Variants in SDK1 observed in about 807,000 individuals in gnomAD.
SDK1 encodes the protein protein sidekick-1.
SDK1 carries 157 observed loss-of-function variants against 245.5 expected under a neutral mutation model. That is an observed-to-expected ratio of 0.64 (90% CI 0.56 to 0.73). The LOEUF is 0.73. Among genes scored for constraint, SDK1 ranks in the 30% least tolerant of loss-of-function variants. The pLI is 0.00. For synonymous variants in SDK1, 1,647 were observed against 1,278.5 expected, an observed-to-expected ratio of 1.29 and a Z score of -6.15; for missense variants, 3,583 against 3,002.3, an observed-to-expected ratio of 1.19 and a Z score of -4.52.
At chr7:3,917,658 G>A (rs879601670) in intron 5 of SDK1, among the ~76,000 whole-genome samples, 7 of 152,158 alleles carry the variant, frequency 4.6e-5, no homozygotes, top group African/African-American at 7.2e-5. Flanking sequence ...TTAGAGGAAC[G>A]TCTATGGGAC....
chr7:4,087,207 A>C (rs1781479331), intron 22 of SDK1, among the ~76,000 whole-genome samples: 1 of 152,148 alleles, frequency 6.6e-6, no homozygotes. Context: ...TTGTATATGG[A>C]GTGAGGTATG....
chr7:3,559,166 A>G (rs1030238172), intron 1 of SDK1, among the ~76,000 whole-genome samples: 5 of 152,210 alleles, frequency 3.3e-5, no homozygotes, highest in South Asian at 4.1e-4. Context: ...ATATTATATA[A>G]TATGTTACAT....
chr7:3,647,415 C>A lies in SDK1; in HGVS notation c.713+5310C>A, dbSNP rs55860374. 4.4e-3 allele frequency among the ~76,000 whole-genome samples: 672 copies of A among 152,186 alleles called. 5 individuals carry two copies. Among genetic ancestry groups the A allele is most frequent in the African/African-American group, 0.016 (647 of 41,530 alleles). On this transcript the variant is annotated intron_variant, in intron 4 of 44. Coordinates refer to ENST00000404826, the MANE Select transcript of SDK1 (RefSeq NM_152744.4). ...GTCTCTTGCAGTTTAGCAAATACAT[C>A]AAGCTCTTTTCTGTTTTGAAAGTTG...
At chr7:3,449,376 G>C (rs1021180384) in intron 1 of SDK1, among the ~76,000 whole-genome samples, 1 of 151,040 alleles carries the variant, frequency 6.6e-6, no homozygotes, top group Non-Finnish European at 1.5e-5. Flanking sequence ...GCTTTCTACA[G>C]TCTTCTGCTA....
At chr7:4,003,398 C>G (rs1785220659) in intron 14 of SDK1, among the ~76,000 whole-genome samples, 2 of 152,214 alleles carry the variant, frequency 1.3e-5, no homozygotes, top group African/African-American at 4.8e-5. Flanking sequence ...GTGCCTTTGT[C>G]CATTCATTGA....
intron 4 of SDK1, among the ~76,000 whole-genome samples, chr7:3,783,138 G>C (rs958580364): frequency 6.6e-6 from 1 of 152,210 alleles, no homozygotes; most frequent in African/African-American, 2.4e-5. Context: ...CATTTTGTTA[G>C]ATGCCGAAAA....
chr7:3,355,741 A>G lies in SDK1; in HGVS notation c.298+53857A>G, dbSNP rs545451619. ...AGGCTTCTGATCCTAATTTCAGGAAATAGCCTCTAAACTCATCTATTAGTC... is the reference window on the plus strand; with the variant it reads ...AGGCTTCTGATCCTAATTTCAGGAAGTAGCCTCTAAACTCATCTATTAGTC... On this transcript the variant is annotated intron_variant, in intron 1 of 44. Coordinates refer to ENST00000404826, the MANE Select transcript of SDK1 (RefSeq NM_152744.4). 6.6e-5 allele frequency among the ~76,000 whole-genome samples: 10 copies of G among 152,310 alleles called. No individual in the cohort carries two copies. The South Asian group carries it at 2.1e-3, about 32-fold the overall frequency.
At chr7:3,617,434 T>A (rs1360443426) in intron 1 of SDK1, among the ~76,000 whole-genome samples, 2 of 152,190 alleles carry the variant, frequency 1.3e-5, no homozygotes, top group South Asian at 2.1e-4. Flanking sequence ...ACCTGAAGGA[T>A]GAGCAAAGAT....
chr7:3,548,856 T>C (rs1242482194), intron 1 of SDK1, among the ~76,000 whole-genome samples: 1 of 152,232 alleles, frequency 6.6e-6, no homozygotes, highest in East Asian at 1.9e-4. Context: ...ATCATCTATA[T>C]TAATAAGCTC....
At chr7:4,040,226 C>G (rs1408830682) in intron 17 of SDK1, among the ~76,000 whole-genome samples, 3 of 152,144 alleles carry the variant, frequency 2.0e-5, no homozygotes. Context: ...TGATTGGATC[C>G]TGCTTCAGCT....
intron 2 of SDK1, among the ~76,000 whole-genome samples, chr7:3,631,859 C>G (rs939783347): frequency 6.6e-6 from 1 of 152,142 alleles, no homozygotes; most frequent in African/African-American, 2.4e-5. Context: ...GACAAATACT[C>G]CCGAGTGAGA....
intron 43 of SDK1, among the ~76,000 whole-genome samples, chr7:4,242,371 C>G (rs1786584119): frequency 6.6e-6 from 1 of 152,152 alleles, no homozygotes; most frequent in African/African-American, 2.4e-5. Flanking sequence ...CATTGCCATT[C>G]CATACACGGA....
chr7:3,894,194 C>T (rs1389000189), intron 5 of SDK1, among the ~76,000 whole-genome samples: 2 of 152,152 alleles, frequency 1.3e-5, no homozygotes, highest in Non-Finnish European at 2.9e-5. Flanking sequence ...TTTTAATGTA[C>T]TACCGATGGT....
chr7:3,975,894 C>G (rs1193742325), intron 13 of SDK1, among the ~76,000 whole-genome samples: 1 of 152,184 alleles, frequency 6.6e-6, no homozygotes, highest in Non-Finnish European at 1.5e-5. Context: ...GCTGCAGCTG[C>G]AAAGCTGCCA....
intron 4 of SDK1, among the ~76,000 whole-genome samples, chr7:3,775,986 G>A: frequency 6.6e-6 from 1 of 152,196 alleles, no homozygotes; most frequent in Non-Finnish European, 1.5e-5. Context: ...TCTTCCACCA[G>A]TCCCTAACTG....
In SDK1 at chr7:4,106,307, CTT is replaced by C. The variant is rs773537615; in HGVS notation, c.3325-4343_3325-4342del. Among the ~76,000 whole-genome samples the C allele has an allele frequency of 8.4e-3, 1,200 of 142,270 alleles. 19 individuals carry two copies. The highest frequency in any genetic ancestry group is 0.03 in the African/African-American group (1,142 of 38,266). 93.3% of individuals were successfully genotyped at this position (142,270 alleles called of 152,430 possible). On this transcript the variant is annotated intron_variant, in intron 22 of 44. Coordinates refer to ENST00000404826, the MANE Select transcript of SDK1 (RefSeq NM_152744.4). ...TGTCCCCCGTTTCTTTTTTTTCTTT[CTT>C]TTTTTTTTTTTTGAGACGGAGCCTC...
chr7:3,721,119 G>A (rs550446824), intron 4 of SDK1, among the ~76,000 whole-genome samples: 1 of 152,308 alleles, frequency 6.6e-6, no homozygotes, highest in South Asian at 2.1e-4. Context: ...GGAGAGCAAG[G>A]GCATGGGTGG....
intron 5 of SDK1, among the ~76,000 whole-genome samples, chr7:3,882,362 G>A (rs1295365245): frequency 6.6e-6 from 1 of 152,164 alleles, no homozygotes; most frequent in African/African-American, 2.4e-5. Flanking sequence ...GACCTTGGAT[G>A]GGCAGAGTCA....
At chr7:4,245,856 C>G in intron 44 of SDK1, 51 bp downstream of exon 44, 5 of 1,605,870 alleles carry the variant, frequency 3.1e-6, no homozygotes, top group Non-Finnish European at 4.3e-6. Flanking sequence ...CCTACTTCTG[C>G]AGTGAGACTT....
Sources: allele counts gnomAD v4.1 joint callset (sites outside exome capture counted in the v4.1 genomes callset), GRCh38; gene constraint gnomAD v4.1.1; transcripts MANE v1.5; gene names NCBI Gene and HGNC (gene_info 2026-07-23, HGNC 2026-07-21).